The following ZFHX4 variants were observed in gnomAD, a reference collection of about 807,000 sequenced individuals.
ZFHX4 encodes zinc finger homeobox protein 4.
ZFHX4 carries 56 observed loss-of-function variants against 267.6 expected under a neutral mutation model. The ratio of observed to expected loss-of-function variants is 0.21; its 90% confidence interval spans 0.17 to 0.26. The LOEUF is 0.26. Among genes scored for constraint, ZFHX4 ranks in the 10% least tolerant of loss-of-function variants. The pLI, the probability that ZFHX4 is intolerant of heterozygous loss-of-function variation, is 1.00. For missense variants in ZFHX4, 4,332 were observed against 4,420.0 expected (o/e 0.98, Z 0.56); for synonymous variants, 1,778 against 1,665.6 (o/e 1.07, Z -1.64).
At chr8:76,827,182 A>C (rs1022736416) in intron 4 of ZFHX4, among the ~76,000 whole-genome samples, 1 of 151,920 alleles carries the variant, frequency 6.6e-6, no homozygotes, top group Admixed American at 6.5e-5. Flanking sequence ...TGGGGATGAA[A>C]CTGTTCCACC....
At chr8:76,753,128 A>C (rs1172681419) in intron 3 of ZFHX4, among the ~76,000 whole-genome samples, 1 of 152,218 alleles carries the variant, frequency 6.6e-6, no homozygotes, top group Admixed American at 6.5e-5. Flanking sequence ...CTGCTTGTGT[A>C]TCCATAAGTC....
chr8:76,805,163 A>G (rs1270634057), intron 4 of ZFHX4, among the ~76,000 whole-genome samples: 5 of 152,148 alleles, frequency 3.3e-5, no homozygotes, highest in African/African-American at 9.7e-5. Context: ...TTGAACAAGA[A>G]GTTAAAAATC....
rs747251041 is a variant in ZFHX4, at chr8:76,855,450, A to C, written c.8529A>C (p.Lys2843Asn). ...VKPALSPKEP[K>N]TLDTLPKPAT... The stretch of plus-strand genomic sequence containing the variant: ...CGGCTTTGTCTCCCAAAGAGCCAAA[A>C]ACTCTGGATACTCTGCCAAAACCTG... The change falls in exon 10 of 11, where the codon AAA (lysine) becomes AAC (asparagine). Residue 2843 changes from lysine to asparagine, a missense_variant. Physicochemically the swap from Lys to Asn is moderately conservative, Grantham distance 94. Coordinates refer to ENST00000651372, the MANE Select transcript of ZFHX4 (RefSeq NM_024721.5). 4 of 1,613,528 alleles carry C rather than the reference A, an allele frequency of 2.5e-6. No homozygotes were observed. Among genetic ancestry groups the C allele is most frequent in the Non-Finnish European group, 3.4e-6 (4 of 1,179,780 alleles).
At chr8:76,761,670 T>C (rs1328480681) in intron 3 of ZFHX4, among the ~76,000 whole-genome samples, 6 of 152,200 alleles carry the variant, frequency 3.9e-5, no homozygotes, top group Non-Finnish European at 8.8e-5. Context: ...ACATGTGTTT[T>C]AAAATAGAAG....
intron 3 of ZFHX4, among the ~76,000 whole-genome samples, chr8:76,752,599 AG>A (rs1325906178): frequency 6.6e-6 from 1 of 152,058 alleles, no homozygotes; most frequent in Non-Finnish European, 1.5e-5. Flanking sequence ...TGAACCTTGA[AG>A]GCAGAGGCTG....
intron 4 of ZFHX4, among the ~76,000 whole-genome samples, chr8:76,795,624 G>A (rs1383129767): frequency 5.1e-5 from 7 of 138,542 alleles, no homozygotes; most frequent in Non-Finnish European, 7.6e-5. Flanking sequence ...TCAGCTCACC[G>A]CAACCTCTGC....
intron 4 of ZFHX4, among the ~76,000 whole-genome samples, chr8:76,813,922 GA>G (rs898729291): frequency 5.9e-5 from 9 of 151,850 alleles, no homozygotes; most frequent in Non-Finnish European, 8.8e-5. Context: ...TTATATTACA[GA>G]AAAAAATGCA....
At chr8:76,805,405 A>G (rs1345353048) in intron 4 of ZFHX4, among the ~76,000 whole-genome samples, 1 of 152,160 alleles carries the variant, frequency 6.6e-6, no homozygotes, top group African/African-American at 2.4e-5. Context: ...CTAATTTAGT[A>G]TGCACTAAAG....
chr8:76,751,998 C>A (rs1028621561), intron 3 of ZFHX4, among the ~76,000 whole-genome samples: 1 of 151,938 alleles, frequency 6.6e-6, no homozygotes, highest in Admixed American at 6.6e-5. Context: ...TAATATTTAC[C>A]AGAAAACTTA....
intron 3 of ZFHX4, among the ~76,000 whole-genome samples, chr8:76,766,566 G>A (rs973323466): frequency 2.0e-5 from 3 of 151,900 alleles, no homozygotes; most frequent in Non-Finnish European, 2.9e-5. Flanking sequence ...ATGGGCTGTG[G>A]GTAGTATTGA....
intron 3 of ZFHX4, among the ~76,000 whole-genome samples, chr8:76,762,905 T>C (rs574478740): frequency 9.2e-4 from 140 of 152,308 alleles, no homozygotes; most frequent in Middle Eastern, 3.4e-3. Flanking sequence ...AAGAGGAAGA[T>C]ACTTGAGAAG....
At chr8:76,834,822 C>T (rs1372023597) in intron 5 of ZFHX4, among the ~76,000 whole-genome samples, 1 of 151,948 alleles carries the variant, frequency 6.6e-6, no homozygotes, top group Non-Finnish European at 1.5e-5. Flanking sequence ...TGTTGCCAAA[C>T]CCAAAGTCAT....
chr8:76,828,689 G>A (rs1368811196), intron 4 of ZFHX4, among the ~76,000 whole-genome samples: 1 of 152,064 alleles, frequency 6.6e-6, no homozygotes, highest in African/African-American at 2.4e-5. Flanking sequence ...AACACAAAAG[G>A]CATGGCTAGA....
At position 76,855,973 on chromosome 8, in the gene ZFHX4, G is replaced by A; in HGVS notation, c.9052G>A (p.Ala3018Thr). ...ECTLCGVKYSARLSIRDHIFS... is the reference protein window; with the variant it reads ...ECTLCGVKYSTRLSIRDHIFS... ...TACCCTCTGCGGGGTGAAGTACTCT[G>A]CCCGCTTGTCCATCAGAGATCACAT... The change falls in exon 10 of 11, where the codon GCC (alanine) becomes ACC (threonine). Residue 3018 changes from alanine to threonine, a missense_variant. Physicochemically the swap from Ala to Thr is moderately conservative, Grantham distance 58. Transcript: ENST00000651372. 1 of 1,613,942 alleles carries A rather than the reference G, an allele frequency of 6.2e-7. No homozygotes were observed. Among genetic ancestry groups the A allele is most frequent in the Non-Finnish European group, 8.5e-7 (1 of 1,179,870 alleles).
intron 10 of ZFHX4, among the ~76,000 whole-genome samples, chr8:76,857,940 T>G (rs1026883886): frequency 6.6e-6 from 1 of 152,088 alleles, no homozygotes; most frequent in Non-Finnish European, 1.5e-5. Flanking sequence ...TATGGAAAGA[T>G]TTCTGTGATC....
rs373616956 is a variant in ZFHX4 at position 76,851,564 on chromosome 8, A to G, written c.4643A>G (p.Glu1548Gly). 6.2e-7 allele frequency: 1 copy of G among 1,613,968 alleles called. No individual in the cohort carries two copies. The highest frequency in any genetic ancestry group is 8.5e-7 in the Non-Finnish European group (1 of 1,179,886). ...SRPYKCTVCK[E>G]SFTQKNILLV... ...CCATATAAATGTACAGTGTGTAAAG[A>G]GTCATTCACCCAAAAGAACATTCTC... Residue 1548 changes from glutamate to glycine, a missense_variant, in exon 10 of 11, where the codon GAG becomes GGG. Transcript: ENST00000651372.
intron 3 of ZFHX4, among the ~76,000 whole-genome samples, chr8:76,728,690 A>T (rs1808919827): frequency 6.6e-6 from 1 of 152,162 alleles, no homozygotes; most frequent in African/African-American, 2.4e-5. Flanking sequence ...CATCAAAATG[A>T]GGTCCTTGCA....
chr8:76,836,238 A>G (rs560426905), intron 5 of ZFHX4, among the ~76,000 whole-genome samples: 8 of 152,332 alleles, frequency 5.3e-5, no homozygotes, highest in African/African-American at 1.9e-4. Context: ...GTGATATGTT[A>G]GAGCAGAGGT....
At chr8:76,837,359 G>A (rs1812118902) in intron 5 of ZFHX4, among the ~76,000 whole-genome samples, 1 of 152,094 alleles carries the variant, frequency 6.6e-6, no homozygotes, top group Non-Finnish European at 1.5e-5. Context: ...AGTGAAGTAA[G>A]ATGCAGAGAA....
Sources: allele counts gnomAD v4.1 joint callset (sites outside exome capture counted in the v4.1 genomes callset), GRCh38; gene constraint gnomAD v4.1.1; transcripts MANE v1.5; gene names NCBI Gene and HGNC (gene_info 2026-07-23, HGNC 2026-07-21).